GALNT1: variants seen among roughly 807,000 people sequenced by gnomAD.
GALNT1 encodes the protein polypeptide N-acetylgalactosaminyltransferase 1.
GALNT1 carries 17 observed loss-of-function variants against 65.7 expected under a neutral mutation model. The observed-to-expected ratio is 0.26, with a 90% CI of 0.18 to 0.39. The LOEUF is 0.39. Ranked by LOEUF, GALNT1 falls within the 10% of genes least tolerant of loss-of-function variation. The pLI, the probability that GALNT1 is intolerant of heterozygous loss-of-function variation, is 1.00. For synonymous variants in GALNT1, 210 were observed against 219.7 expected (o/e 0.96, Z 0.39); for missense variants, 460 against 672.8 (o/e 0.68, Z 3.50).
Position 35,689,357 on chromosome 18 carries a change from T to A in GALNT1, c.978+67T>A, listed in dbSNP as rs1282027624. The stretch of plus-strand genomic sequence containing the variant: ...AGTATAGATGTGCATTGATTATTCA[T>A]GTATCTCTACATAAAAAATAAAAAT... On this transcript the variant is annotated intron_variant, in intron 7 of 11. Coordinates refer to ENST00000269195, the MANE Select transcript of GALNT1 (RefSeq NM_020474.4). The A allele has an allele frequency of 9.2e-6, 8 of 872,174 alleles. No homozygotes were observed. The East Asian group carries it at 2.0e-4, about 22-fold the overall frequency. The allele number at this position is 872,174 out of a possible 1,614,324, so 54.0% of individuals were successfully genotyped here. A position where few individuals can be genotyped will look rare whatever the true frequency, so the allele number is the denominator to read the frequency against.
At chr18:35,659,848 A>G (rs2047450967) in intron 2 of GALNT1, 1 of 152,212 alleles carries the variant, frequency 6.6e-6, no homozygotes, top group Non-Finnish European at 1.5e-5. Context: ...GTTGATTTTT[A>G]TATATGCAGC....
intron 1 of GALNT1, among the ~76,000 whole-genome samples, chr18:35,630,386 A>G (rs1051982028): frequency 9.9e-5 from 15 of 152,222 alleles, no homozygotes; most frequent in Non-Finnish European, 2.9e-5. Flanking sequence ...ACTAGAACTC[A>G]GGATTAAGAA....
At chr18:35,631,826 A>G (rs1176989996) in intron 1 of GALNT1, among the ~76,000 whole-genome samples, 2 of 152,214 alleles carry the variant, frequency 1.3e-5, no homozygotes, top group East Asian at 3.9e-4. Context: ...TCAGCCCAAA[A>G]TCTCCTTAAG....
At chr18:35,666,787 C>G (rs1032592195) in intron 3 of GALNT1, among the ~76,000 whole-genome samples, 2 of 152,140 alleles carry the variant, frequency 1.3e-5, no homozygotes, top group African/African-American at 4.8e-5. Context: ...TCAGACTTGA[C>G]GAAGTCCACT....
chr18:35,591,756 T>C (rs1298025674), intron 1 of GALNT1: 1 of 154,404 alleles, frequency 6.5e-6, no homozygotes, highest in Non-Finnish European at 1.5e-5. Context: ...GAGTGATTGC[T>C]ATTTCAAAAG....
chr18:35,689,795 T>C (rs2047927926), intron 7 of GALNT1, among the ~76,000 whole-genome samples: 1 of 152,232 alleles, frequency 6.6e-6, no homozygotes, highest in South Asian at 2.1e-4. Context: ...ACATATAAAG[T>C]CTTTGCATTT....
intron 3 of GALNT1, among the ~76,000 whole-genome samples, chr18:35,665,160 CAG>C (rs952175886): frequency 5.9e-5 from 9 of 152,052 alleles, no homozygotes; most frequent in African/African-American, 9.7e-5. Flanking sequence ...CCTCAACAAA[CAG>C]AGAAAAGCAA....
At position 35,705,360 on chromosome 18, in the gene GALNT1, T is replaced by C. The variant is rs1260264449; in HGVS notation, c.1533+1717T>C. Among the ~76,000 whole-genome samples, 2 of 152,244 alleles carry C rather than the reference T, an allele frequency of 1.3e-5. 1 individual carries two copies. Among genetic ancestry groups the C allele is most frequent in the South Asian group, 4.1e-4 (2 of 4,834 alleles). On this transcript the variant is annotated intron_variant, in intron 11 of 11. Transcript: ENST00000269195. ...ATAAAGCTGTACTTGTTTGTAGTTA[T>C]TTATCTAGCAATCTTTTCTCCACTA...
intron 7 of GALNT1, 146 bp from the exon 8 acceptor site, chr18:35,690,866 T>C: frequency 1.6e-6 from 1 of 607,872 alleles, no homozygotes; most frequent in Non-Finnish European, 2.7e-6. Flanking sequence ...GGAAGCTTTT[T>C]ACCAGTAACT....
chr18:35,590,748 C>G (rs905361089), intron 1 of GALNT1, among the ~76,000 whole-genome samples: 3 of 152,132 alleles, frequency 2.0e-5, no homozygotes, highest in African/African-American at 7.2e-5. Flanking sequence ...TCAGTAAACA[C>G]TTTACTAACA....
At chr18:35,604,595 A>G (rs1276438758) in intron 1 of GALNT1, among the ~76,000 whole-genome samples, 3 of 152,148 alleles carry the variant, frequency 2.0e-5, no homozygotes, top group African/African-American at 7.2e-5. Flanking sequence ...TTGACTTTTT[A>G]ATAATAGTCA....
chr18:35,684,164 G>A (rs2047831392), intron 5 of GALNT1, among the ~76,000 whole-genome samples: 1 of 152,164 alleles, frequency 6.6e-6, no homozygotes, highest in East Asian at 1.9e-4. Context: ...TGTGCATCAG[G>A]AGAGAACCTG....
In GALNT1 at chr18:35,666,874, C is replaced by T. The variant is rs371208565; in HGVS notation, c.314+3072C>T. Among the ~76,000 whole-genome samples, 8 of 151,916 alleles carry T rather than the reference C, an allele frequency of 5.3e-5. 1 individual carries two copies. Among genetic ancestry groups the T allele is most frequent in the Non-Finnish European group, 1.5e-5 (1 of 67,988 alleles). On this transcript the variant is annotated intron_variant, in intron 3 of 11. Coordinates refer to ENST00000269195, the MANE Select transcript of GALNT1 (RefSeq NM_020474.4). The stretch of plus-strand genomic sequence containing the variant: ...TGGGACTGGGCTGCCTAGGAGGTAG[C>T]GCAGAGTCACTACTACCACTGAGTA...
intron 1 of GALNT1, among the ~76,000 whole-genome samples, chr18:35,614,357 C>T (rs930524948): frequency 6.6e-6 from 1 of 151,990 alleles, no homozygotes; most frequent in Non-Finnish European, 1.5e-5. Flanking sequence ...CCATATCATC[C>T]TAAAATATAC....
chr18:35,641,533 A>G (rs2047164099), intron 1 of GALNT1, among the ~76,000 whole-genome samples: 1 of 152,186 alleles, frequency 6.6e-6, no homozygotes. Context: ...ACACAAAACA[A>G]CACATCTAGT....
At chr18:35,671,423 G>A (rs796166356) in intron 3 of GALNT1, among the ~76,000 whole-genome samples, 9 of 152,254 alleles carry the variant, frequency 5.9e-5, no homozygotes, top group South Asian at 2.1e-4. Flanking sequence ...CTCACGCCAC[G>A]TTGCCCAGGC....
intron 1 of GALNT1, among the ~76,000 whole-genome samples, chr18:35,605,429 C>T (rs191215340): frequency 1.2e-4 from 18 of 150,058 alleles, no homozygotes; most frequent in Admixed American, 8.7e-4. Flanking sequence ...ACTGAGGAGG[C>T]GGAGGTTGCC....
At chr18:35,637,033 G>A (rs943829787) in intron 1 of GALNT1, among the ~76,000 whole-genome samples, 6 of 151,822 alleles carry the variant, frequency 4.0e-5, no homozygotes, top group African/African-American at 1.5e-4. Context: ...CATACAAGAC[G>A]GCAAGTTTAA....
At chr18:35,636,652 C>A (rs1032635175) in intron 1 of GALNT1, among the ~76,000 whole-genome samples, 1 of 152,062 alleles carries the variant, frequency 6.6e-6, no homozygotes. Flanking sequence ...ACCTACAGTA[C>A]CTGACACAGT....
Sources: allele counts gnomAD v4.1 joint callset (sites outside exome capture counted in the v4.1 genomes callset), GRCh38; gene constraint gnomAD v4.1.1; transcripts MANE v1.5; gene names NCBI Gene and HGNC (gene_info 2026-07-23, HGNC 2026-07-21).